Variants in CENPT observed in about 807,000 individuals in gnomAD.
CENPT encodes interphase centromere complex protein 22.
Under a neutral mutation model 59.7 loss-of-function variants are expected in CENPT, and 42 were observed. The ratio of observed to expected loss-of-function variants is 0.70; its 90% CI spans 0.55 to 0.91. CENPT has a LOEUF of 0.91. CENPT is among the 40% of genes least tolerant of loss of function. The pLI, the probability that CENPT is intolerant of heterozygous loss-of-function variation, is 0.00. For missense variants in CENPT, 716 were observed against 713.4 expected, an observed-to-expected ratio of 1.00 and a Z score of -0.04; for synonymous variants, 295 against 289.6, an observed-to-expected ratio of 1.02 and a Z score of -0.19.
At chr16:67,839,555 G>C (rs1196012342) in intron 1 of CENPT, among the ~76,000 whole-genome samples, 1 of 151,686 alleles carries the variant, frequency 6.6e-6, no homozygotes, top group African/African-American at 2.4e-5. Flanking sequence ...GTGAGACATC[G>C]TCTAAGAAAA....
rs1372521412 is a variant in CENPT, at chr16:67,828,756, G to A, written c.1368C>T (p.His456=). ...TCACATAGTGGCTCAGTCCAGCCTT[G>A]TGGGGATCTTGCCGGGGCCTGGGGC... The part of the protein sequence containing the change: ...TTGPRPRQDP[H]KAGLSHYVKL... The change falls in exon 14 of 16, where the codon CAC becomes CAT. Residue 456 remains histidine (H), a synonymous_variant. Coordinates refer to ENST00000562787, the MANE Select transcript of CENPT (RefSeq NM_025082.4). 4 of 1,611,952 alleles carry A rather than the reference G, an allele frequency of 2.5e-6. No individual in the cohort carries two copies. The highest frequency in any genetic ancestry group is 2.7e-5 in the African/African-American group (2 of 74,926).
intron 15 of CENPT, 26 bp from the exon 16 acceptor site, chr16:67,828,416 G>A: frequency 6.2e-7 from 1 of 1,613,218 alleles, no homozygotes; most frequent in Non-Finnish European, 8.5e-7. Flanking sequence ...AGAAGGGACA[G>A]GCAGAATCAG....
Position 67,842,665 on chromosome 16 carries a change from C to T in CENPT, c.-492+4736G>A. ...ACGCTGAGTTGCGGCGCCTCTGGCT[C>T]AAGAACGTGTCGCGTGCCGGCGTCA... On this transcript the variant is annotated intron_variant, in intron 1 of 15. Coordinates refer to ENST00000562787, the MANE Select transcript of CENPT (RefSeq NM_025082.4). This position sits in a 1 kb window ranked among gnomAD's most constrained non-coding sequence, Gnocchi z 4.9. The T allele has an allele frequency of 1.3e-6, 2 of 1,570,038 alleles. No homozygotes were observed. The highest frequency in any genetic ancestry group is 8.6e-7 in the Non-Finnish European group (1 of 1,156,878).
Position 67,832,049 on chromosome 16 carries a change from C to A in CENPT, c.349G>T (p.Ala117Ser). The A allele has an allele frequency of 6.2e-7, 1 of 1,610,858 alleles. No homozygotes were observed. Among genetic ancestry groups the A allele is most frequent in the South Asian group, 1.1e-5 (1 of 90,690 alleles). ...CTCTCTTGTCTGGAGGGTTGGACCG[C>A]CTGCGGTGCTGGCACTGGCTTCACT... Reference protein sequence around the residue: ...SVVKPVPAPQAVQPSRQESSC... With the variant: ...SVVKPVPAPQSVQPSRQESSC... Residue 117 changes from alanine (A) to serine (S), a missense_variant, in exon 7 of 16, where the codon GCG (alanine) becomes TCG (serine). Coordinates refer to ENST00000562787, the MANE Select transcript of CENPT (RefSeq NM_025082.4).
intron 1 of CENPT, among the ~76,000 whole-genome samples, chr16:67,845,091 A>C (rs1204426833): frequency 6.6e-6 from 1 of 151,872 alleles, no homozygotes; most frequent in Non-Finnish European, 1.5e-5. Flanking sequence ...CCCAGCCTCT[A>C]TTTTTTCTTA....
At chr16:67,836,115 A>G (rs1330060823) in intron 1 of CENPT, among the ~76,000 whole-genome samples, 3 of 151,664 alleles carry the variant, frequency 2.0e-5, no homozygotes, top group Admixed American at 6.6e-5. Flanking sequence ...GATGGAGTGC[A>G]GTGGCACAAT....
chr16:67,832,234 G>A lies in CENPT; in HGVS notation c.283C>T (p.Leu95=), dbSNP rs781310192. 1.2e-6 allele frequency: 2 copies of A among 1,614,138 alleles called. No individual in the cohort carries two copies. The highest frequency in any genetic ancestry group is 1.7e-6 in the Non-Finnish European group (2 of 1,179,974). The change falls in exon 6 of 16, where the codon CTA becomes TTA. Residue 95 remains leucine (L), a synonymous_variant. Transcript: ENST00000562787. ...TPRTLLKNIL[L]TAPESSILMP... is the part of the protein sequence containing the mutation. ...CAGGCCAGCGCTCACTTACCAGTTA[G>A]TAGGATGTTCTTCAGCAGCGTCCGA... is the stretch of plus-strand genomic sequence containing the variant.
At chr16:67,846,286 C>A (rs1425774773) in intron 1 of CENPT, among the ~76,000 whole-genome samples, 2 of 152,280 alleles carry the variant, frequency 1.3e-5, no homozygotes, top group African/African-American at 4.8e-5. Flanking sequence ...TGGGGGGACC[C>A]CTGACTGTAG....
At chr16:67,828,412 G>A in intron 15 of CENPT, 22 bp from the exon 16 acceptor site, 2 of 1,612,694 alleles carry the variant, frequency 1.2e-6, no homozygotes, top group Non-Finnish European at 1.7e-6. Context: ...GAAGAGAAGG[G>A]ACAGGCAGAA....
At chr16:67,837,564 C>T (rs563375433) in intron 1 of CENPT, among the ~76,000 whole-genome samples, 47 of 151,960 alleles carry the variant, frequency 3.1e-4, no homozygotes, top group Non-Finnish European at 5.1e-4. Context: ...AAAAATTAGC[C>T]GGGCACGATG....
chr16:67,829,691 C>T, intron 12 of CENPT, 74 bp downstream of exon 12: 1 of 1,510,140 alleles, frequency 6.6e-7, no homozygotes, highest in South Asian at 1.2e-5. Flanking sequence ...GAAACACAAC[C>T]CAGACAAGGC....
In CENPT at chr16:67,843,466, C is replaced by A; in HGVS notation, c.-492+3935G>T. 1 of 1,612,730 alleles carries A rather than the reference C, an allele frequency of 6.2e-7. No homozygotes were observed. Among genetic ancestry groups the A allele is most frequent in the East Asian group, 2.2e-5 (1 of 44,884 alleles). On this transcript the variant is annotated intron_variant, in intron 1 of 15. Coordinates refer to ENST00000562787, the MANE Select transcript of CENPT (RefSeq NM_025082.4). This position sits in a 1 kb window ranked among gnomAD's most constrained non-coding sequence, Gnocchi z 5.7. ...TGCGTGAGAAGGATCGGCTGCTTGC[C>A]ATGGCTGTCATCCGCAAGAAGCACG... is the stretch of plus-strand genomic sequence containing the variant.
Position 67,842,847 on chromosome 16 carries a change from C to G in CENPT, c.-492+4554G>C, listed in dbSNP as rs1295892341. ...GTAGCGCGCAGACCCGCTGGGGCCG[C>G]GGCCGCCCGCCGCAGGCAGCAGCAG... On this transcript the variant is annotated intron_variant, in intron 1 of 15. Coordinates refer to ENST00000562787, the MANE Select transcript of CENPT (RefSeq NM_025082.4). This position sits in a 1 kb window ranked among gnomAD's most constrained non-coding sequence, Gnocchi z 4.9. 6.2e-7 allele frequency: 1 copy of G among 1,607,098 alleles called. No individual in the cohort carries two copies. The highest frequency in any genetic ancestry group is 8.5e-7 in the Non-Finnish European group (1 of 1,178,758).
chr16:67,836,023 G>A (rs1396391618), intron 1 of CENPT, among the ~76,000 whole-genome samples: 10 of 151,772 alleles, frequency 6.6e-5, no homozygotes, highest in South Asian at 2.1e-4. Context: ...GATTACAGGC[G>A]TGAGCCATGG....
intron 1 of CENPT, among the ~76,000 whole-genome samples, chr16:67,838,570 C>T (rs2057744777): frequency 6.7e-6 from 1 of 149,540 alleles, no homozygotes; most frequent in African/African-American, 2.5e-5. Flanking sequence ...TGCTGTGAGC[C>T]GAGATCGTGC....
rs8056617 is a variant in CENPT at position 67,831,596 on chromosome 16, A to G, written c.540T>C (p.Ala180=). ...LSLSQEPQGN[A]DASSLTRSLN... is the part of the protein sequence containing the mutation. ...AGCACCTGGTGAGGGAAGAGGCATC[A>G]GCATTCCCTTGAGGCTCTGTCAGCA... Residue 180 remains alanine (A), a synonymous_variant, in exon 9 of 16, where the codon GCT becomes GCC. Transcript: ENST00000562787. 1.3e-3 allele frequency: 2,039 copies of G among 1,614,174 alleles called. 25 individuals are homozygous for G. In the African/African-American group the frequency reaches 0.025, roughly 20 times the overall value.
rs1567374221 is a variant in CENPT, at chr16:67,842,869, G to A, written c.-492+4532C>T. The A allele has an allele frequency of 1.2e-6, 2 of 1,604,540 alleles. No homozygotes were observed. Among genetic ancestry groups the A allele is most frequent in the East Asian group, 2.2e-5 (1 of 44,804 alleles). ...CCGCGGCCGCCCGCCGCAGGCAGCA[G>A]CAGCAACAGCAGCAGCAGCAGCAAC... On this transcript the variant is annotated intron_variant, in intron 1 of 15. Coordinates refer to ENST00000562787, the MANE Select transcript of CENPT (RefSeq NM_025082.4). This position sits in a 1 kb window ranked among gnomAD's most constrained non-coding sequence, Gnocchi z 4.9.
chr16:67,831,519 C>T, intron 9 of CENPT, 57 bp downstream of exon 9: 1 of 1,602,094 alleles, frequency 6.2e-7, no homozygotes, highest in South Asian at 1.1e-5. Context: ...GGCAGCACCT[C>T]CCTCCCCAAG....
intron 1 of CENPT, chr16:67,841,970 A>T (rs564667066): frequency 1.3e-5 from 2 of 152,160 alleles, no homozygotes; most frequent in African/African-American, 2.4e-5. Context: ...GGCGCTTCGG[A>T]GGGAAGGCGC....
Sources: allele counts gnomAD v4.1 joint callset (sites outside exome capture counted in the v4.1 genomes callset), GRCh38; gene constraint gnomAD v4.1.1; non-coding constraint Gnocchi (gnomAD v3.1); transcripts MANE v1.5; gene names NCBI Gene and HGNC (gene_info 2026-07-23, HGNC 2026-07-21).